DSCAM: variants seen among roughly 807,000 people sequenced by gnomAD.
DSCAM encodes DS cell adhesion molecule.
DSCAM carries 47 observed loss-of-function variants against 217.7 expected under a neutral mutation model. The observed-to-expected ratio is 0.22, with a 90% CI of 0.17 to 0.28. DSCAM has a LOEUF of 0.28. Among genes scored for constraint, DSCAM ranks in the 10% least tolerant of loss-of-function variants. DSCAM has a pLI of 1.00. For synonymous variants in DSCAM, 1,056 were observed against 1,015.3 expected (o/e 1.04, Z -0.76); for missense variants, 2,080 against 2,618.3 (o/e 0.79, Z 4.49).
intron 3 of DSCAM, among the ~76,000 whole-genome samples, chr21:40,663,110 T>G (rs1403458820): frequency 1.3e-5 from 2 of 148,188 alleles, no homozygotes; most frequent in African/African-American, 5.0e-5. Context: ...GTGGTGTGTA[T>G]GTGTGAGTGT....
Position 40,705,557 on chromosome 21 carries a change from A to AG in DSCAM, c.361+2896dup, listed in dbSNP as rs1465484727. Reference sequence around the variant, plus strand: ...TCAGGAAACGTACAATCATGGCATAAGGCACCTCTTCACAGGGTGGCAGGA... The same window carrying AG: ...TCAGGAAACGTACAATCATGGCATAAGGGCACCTCTTCACAGGGTGGCAGGA... On this transcript the variant is annotated intron_variant, in intron 2 of 32. Transcript: ENST00000400454. Among the ~76,000 whole-genome samples the AG allele has an allele frequency of 2.0e-5, 3 of 152,284 alleles. No individual in the cohort carries two copies. In the East Asian group the frequency reaches 5.8e-4, roughly 29 times the overall value.
At chr21:40,165,412 C>A (rs2146768761) in intron 16 of DSCAM, among the ~76,000 whole-genome samples, 1 of 152,316 alleles carries the variant, frequency 6.6e-6, no homozygotes, top group East Asian at 1.9e-4. Context: ...GCAAGTCTGC[C>A]TGCTGACAGG....
intron 1 of DSCAM, among the ~76,000 whole-genome samples, chr21:40,805,357 G>A (rs1420165498): frequency 1.3e-5 from 2 of 152,114 alleles, no homozygotes; most frequent in African/African-American, 4.8e-5. Context: ...TCTGGCTCAT[G>A]AGGCTGACCA....
At chr21:40,478,574 A>T (rs1367430271) in intron 3 of DSCAM, among the ~76,000 whole-genome samples, 1 of 152,196 alleles carries the variant, frequency 6.6e-6, no homozygotes, top group Non-Finnish European at 1.5e-5. Context: ...GGAACATCCT[A>T]AAAAATCAGT....
At chr21:40,280,029 C>T (rs982986886) in intron 10 of DSCAM, among the ~76,000 whole-genome samples, 1 of 151,910 alleles carries the variant, frequency 6.6e-6, no homozygotes, top group Non-Finnish European at 1.5e-5. Context: ...TTAAAACCTA[C>T]ATGATAGGTT....
In DSCAM at chr21:40,085,619, A is replaced by G; in HGVS notation, c.4115T>C (p.Leu1372Ser). 1.3e-6 allele frequency: 2 copies of G among 1,570,524 alleles called. No homozygotes were observed. The highest frequency in any genetic ancestry group is 4.6e-5 in the East Asian group (2 of 43,934). ...TGTTGTACCTTGTACTTGTAAGTTT[A>G]AAATAATTTCATCAGATCCCCAGTT... ...NNNWGSDEII[L>S]NLQVQVPPDQ... Residue 1372 changes from leucine (L) to serine (S), a missense_variant, in exon 23 of 33, where the codon TTA becomes TCA. Leu to Ser is a moderately radical substitution (Grantham distance 145). Transcript: ENST00000400454.
chr21:40,617,016 C>CA (rs1223963613), intron 3 of DSCAM, among the ~76,000 whole-genome samples: 33,198 of 68,668 alleles, frequency 0.48, 7,477 homozygotes, highest in East Asian at 0.65. Context: ...GACTCCGTCT[C>CA]AAAAAAAAAA....
chr21:40,362,027 G>GT (rs1284547412), intron 4 of DSCAM, among the ~76,000 whole-genome samples: 1 of 152,056 alleles, frequency 6.6e-6, no homozygotes, highest in Non-Finnish European at 1.5e-5. Context: ...GCGGTGTTTG[G>GT]TTTTTTGTCC....
intron 3 of DSCAM, among the ~76,000 whole-genome samples, chr21:40,378,555 T>C (rs972462362): frequency 0.22 from 434 of 1,990 alleles, 3 homozygotes; most frequent in Non-Finnish European, 0.28. Flanking sequence ...TGAAAACTTA[T>C]TTTTTTTTTT....
intron 11 of DSCAM, among the ~76,000 whole-genome samples, chr21:40,261,156 G>A (rs2073444786): frequency 6.6e-6 from 1 of 152,154 alleles, no homozygotes. Flanking sequence ...CATTAGCCTG[G>A]CTTCATTTCT....
At chr21:40,075,288 T>TA in intron 26 of DSCAM, 75 bp from the exon 27 acceptor site, 1 of 1,519,648 alleles carries the variant, frequency 6.6e-7, no homozygotes. Context: ...TGACAGGTTA[T>TA]AAAAATCGCG....
chr21:40,219,683 A>G (rs1244341398), intron 11 of DSCAM, among the ~76,000 whole-genome samples: 4 of 152,194 alleles, frequency 2.6e-5, no homozygotes, highest in African/African-American at 9.6e-5. Flanking sequence ...GCCAAATGAT[A>G]TATCAGAATG....
At chr21:40,103,605 A>C (rs922859384) in intron 20 of DSCAM, among the ~76,000 whole-genome samples, 1 of 152,100 alleles carries the variant, frequency 6.6e-6, no homozygotes, top group Non-Finnish European at 1.5e-5. Flanking sequence ...AGAGGCCAAC[A>C]TTGGTAGAAA....
intron 3 of DSCAM, among the ~76,000 whole-genome samples, chr21:40,415,156 T>A (rs2050808663): frequency 6.6e-6 from 1 of 152,222 alleles, no homozygotes. Flanking sequence ...AATTAAAGAT[T>A]ATCATCAAAC....
At chr21:40,021,913 G>A (rs1226119583) in intron 32 of DSCAM, among the ~76,000 whole-genome samples, 4 of 152,154 alleles carry the variant, frequency 2.6e-5, no homozygotes, top group Non-Finnish European at 5.9e-5. Flanking sequence ...TGGGAAAACT[G>A]CTGAACTAAA....
intron 3 of DSCAM, among the ~76,000 whole-genome samples, chr21:40,635,834 C>T (rs568896551): frequency 3.3e-5 from 5 of 152,260 alleles, no homozygotes; most frequent in Middle Eastern, 3.4e-3. Context: ...CTCAGAACTG[C>T]ACTTCCAAGT....
intron 3 of DSCAM, among the ~76,000 whole-genome samples, chr21:40,620,738 C>T (rs561430826): frequency 2.6e-5 from 4 of 152,296 alleles, no homozygotes; most frequent in East Asian, 1.9e-4. Context: ...GAATTAAACA[C>T]GTATTTATCA....
At chr21:40,489,521 T>G (rs2146007281) in intron 3 of DSCAM, among the ~76,000 whole-genome samples, 1 of 152,150 alleles carries the variant, frequency 6.6e-6, no homozygotes, top group East Asian at 1.9e-4. Flanking sequence ...ACGCCTGTAA[T>G]CCCAGCACTT....
At chr21:40,435,622 G>A (rs1306714243) in intron 3 of DSCAM, among the ~76,000 whole-genome samples, 1 of 149,186 alleles carries the variant, frequency 6.7e-6, no homozygotes, top group Non-Finnish European at 1.5e-5. Context: ...CTCTTGTACT[G>A]TTTTATGGAA....
Sources: allele counts gnomAD v4.1 joint callset (sites outside exome capture counted in the v4.1 genomes callset), GRCh38; gene constraint gnomAD v4.1.1; transcripts MANE v1.5; gene names NCBI Gene and HGNC (gene_info 2026-07-23, HGNC 2026-07-21).